Variants in ECI2 observed in about 807,000 individuals in gnomAD.
ECI2 encodes the protein enoyl-CoA delta isomerase 2.
ECI2 carries 27 observed loss-of-function variants against 38.4 expected under a neutral mutation model. The observed-to-expected ratio is 0.70, with a 90% CI of 0.52 to 0.97. ECI2 has a LOEUF of 0.97. ECI2 is among the 50% of genes least tolerant of loss of function. The probability of loss-of-function intolerance (pLI) is 0.00; values close to 1 mark genes in which losing one functional copy is unlikely to be tolerated. For synonymous variants in ECI2, 168 were observed against 172.0 expected, an observed-to-expected ratio of 0.98 and a Z score of 0.18; for missense variants, 470 against 474.4, an observed-to-expected ratio of 0.99 and a Z score of 0.09.
At position 4,130,667 on chromosome 6, in the gene ECI2, C is replaced by A. The variant is rs1410249765; in HGVS notation, c.312+100G>T. 4 of 1,600,700 alleles carry A rather than the reference C, an allele frequency of 2.5e-6. No homozygotes were observed. The African/African-American group carries it at 5.4e-5, about 21-fold the overall frequency. ...CCTTGCAATGAAGAAAGAATAGAAG[C>A]ACATCAAGATCTTGAAGACTCCATT... is the stretch of plus-strand genomic sequence containing the variant. On this transcript the variant is annotated intron_variant, in intron 3 of 9. Coordinates refer to ENST00000380118, the MANE Select transcript of ECI2 (RefSeq NM_206836.3).
intron 1 of ECI2, among the ~76,000 whole-genome samples, chr6:4,134,951 GT>G (rs1400392671): frequency 3.9e-5 from 6 of 152,334 alleles, no homozygotes; most frequent in African/African-American, 1.4e-4. Context: ...CCGTGTTTCG[GT>G]TTTGTTCCCT....
At chr6:4,133,134 T>C (rs528335772) in intron 2 of ECI2, among the ~76,000 whole-genome samples, 2 of 152,322 alleles carry the variant, frequency 1.3e-5, no homozygotes, top group South Asian at 2.1e-4. Context: ...ATATCCTTAG[T>C]ACACTTTTCT....
intron 5 of ECI2, 104 bp from the exon 6 acceptor site, chr6:4,126,341 G>C: frequency 1.1e-6 from 1 of 939,474 alleles, no homozygotes; most frequent in South Asian, 1.6e-5. Flanking sequence ...ATACATTGGA[G>C]AACGAGCAAT....
chr6:4,126,424 C>T (rs1218697450), intron 5 of ECI2, among the ~76,000 whole-genome samples, 187 bp from the exon 6 acceptor site: 1 of 152,150 alleles, frequency 6.6e-6, no homozygotes, highest in East Asian at 1.9e-4. Flanking sequence ...ATAAATGTAG[C>T]TAATGCTACT....
chr6:4,119,818 A>G (rs1326050647), intron 7 of ECI2, among the ~76,000 whole-genome samples: 1 of 152,148 alleles, frequency 6.6e-6, no homozygotes, highest in African/African-American at 2.4e-5. Flanking sequence ...AGCCACCCTG[A>G]AAGGTTCCGG....
chr6:4,121,160 T>TG (rs1161247031), intron 7 of ECI2, among the ~76,000 whole-genome samples: 2 of 152,228 alleles, frequency 1.3e-5, no homozygotes, highest in African/African-American at 4.8e-5. Context: ...ATGTATGTAG[T>TG]GGGGTCTCAC....
At chr6:4,128,663 T>C (rs892652289) in intron 4 of ECI2, among the ~76,000 whole-genome samples, 48 of 152,344 alleles carry the variant, frequency 3.2e-4, no homozygotes, top group African/African-American at 9.6e-4. Flanking sequence ...ATACTGAACA[T>C]GTACAGGCTT....
chr6:4,118,511 C>G (rs1336154532), intron 8 of ECI2: 1 of 152,278 alleles, frequency 6.6e-6, no homozygotes, highest in Non-Finnish European at 1.5e-5. Context: ...ACTTTGAGAT[C>G]TTGCAGCAAT....
chr6:4,120,119 T>G (rs994676525), intron 7 of ECI2, among the ~76,000 whole-genome samples: 3 of 152,216 alleles, frequency 2.0e-5, no homozygotes, highest in African/African-American at 4.8e-5. Context: ...CATTTGACAC[T>G]GCCACTAGCA....
intron 2 of ECI2, among the ~76,000 whole-genome samples, chr6:4,132,632 G>A (rs1773553493): frequency 1.3e-5 from 2 of 152,122 alleles, no homozygotes; most frequent in South Asian, 4.1e-4. Context: ...TGAAACTTAA[G>A]AGCTTTAGTT....
intron 7 of ECI2, chr6:4,121,819 C>T (rs184712524): frequency 3.9e-5 from 15 of 380,236 alleles, no homozygotes; most frequent in East Asian, 1.6e-4. Flanking sequence ...TAATCAGACA[C>T]GCTGTTGTTT....
chr6:4,123,154 ATTTCC>A (rs1410096683), intron 7 of ECI2, among the ~76,000 whole-genome samples: 1 of 151,858 alleles, frequency 6.6e-6, no homozygotes, highest in Non-Finnish European at 1.5e-5. Flanking sequence ...CCTTTAGCAT[ATTTCC>A]TTTATTTTAT....
At chr6:4,133,886 A>G (rs1581998269) in intron 1 of ECI2, 175 bp from the exon 2 acceptor site, 3 of 656,102 alleles carry the variant, frequency 4.6e-6, no homozygotes, top group Non-Finnish European at 7.0e-6. Flanking sequence ...TTCCAAGATA[A>G]TAAGTCAATA....
At chr6:4,134,320 G>C (rs749307274) in intron 1 of ECI2, among the ~76,000 whole-genome samples, 2 of 152,190 alleles carry the variant, frequency 1.3e-5, no homozygotes, top group Non-Finnish European at 2.9e-5. Context: ...TACCTGCAGT[G>C]GAAGGGAGTC....
Position 4,116,134 on chromosome 6 carries a change from T to C in ECI2, c.1030-105A>G, listed in dbSNP as rs180672977. 7.4e-4 allele frequency: 966 copies of C among 1,312,520 alleles called. 5 individuals are homozygous for C. The African/African-American group carries it at 0.013, about 17-fold the overall frequency. The allele number at this position is 1,312,520 out of a possible 1,614,324, so 81.3% of individuals were successfully genotyped here. A position where few individuals can be genotyped will look rare whatever the true frequency, so the allele number is the denominator to read the frequency against. Reference sequence around the variant, plus strand: ...GGGAGGCCGAGGCGGGCAGATCAGTTGAGGTCAGGAGTTCAAGACCAGCCT... The same window carrying C: ...GGGAGGCCGAGGCGGGCAGATCAGTCGAGGTCAGGAGTTCAAGACCAGCCT... On this transcript the variant is annotated intron_variant, in intron 9 of 9. Transcript: ENST00000380118.
At chr6:4,134,490 A>G (rs1227282388) in intron 1 of ECI2, among the ~76,000 whole-genome samples, 1 of 152,220 alleles carries the variant, frequency 6.6e-6, no homozygotes, top group African/African-American at 2.4e-5. Context: ...CACAGGACTC[A>G]GGCCACAAGC....
intron 1 of ECI2, 49 bp downstream of exon 1, chr6:4,135,462 G>C (rs1287324497): frequency 1.2e-6 from 2 of 1,611,230 alleles, no homozygotes; most frequent in African/African-American, 1.3e-5. Flanking sequence ...CCTGGACAGC[G>C]GTATCCTGCG....
chr6:4,135,502 C>G lies in ECI2; in HGVS notation c.50+9G>C. ...ACCATGGGCCGAACGGCCGGGACTCCAAGCTTACCTCGGACACGAACGCCG... is the reference window on the plus strand; with the variant it reads ...ACCATGGGCCGAACGGCCGGGACTCGAAGCTTACCTCGGACACGAACGCCG... On this transcript the variant is annotated intron_variant, in intron 1 of 9. Transcript: ENST00000380118. 1.3e-6 allele frequency: 2 copies of G among 1,569,006 alleles called. No homozygotes were observed. Among genetic ancestry groups the G allele is most frequent in the South Asian group, 2.2e-5 (2 of 90,550 alleles).
rs192068362 is a variant in ECI2 at position 4,130,573 on chromosome 6, T to C, written c.313-13A>G. 50 of 1,614,214 alleles carry C rather than the reference T, an allele frequency of 3.1e-5. No homozygotes were observed. In the Middle Eastern group the frequency reaches 4.9e-4, roughly 16 times the overall value. ...GCCTGGCAGCTTCCTGAACGGACGA[T>C]GACAAACAACCTCAGCCCATGGTCA... is the stretch of plus-strand genomic sequence containing the variant. On this transcript the variant is annotated splice_polypyrimidine_tract_variant and intron_variant, in intron 3 of 9. Coordinates refer to ENST00000380118, the MANE Select transcript of ECI2 (RefSeq NM_206836.3).
Sources: gnomAD v4.1 joint callset for allele counts (sites outside exome capture counted in the v4.1 genomes callset) on GRCh38, gnomAD v4.1.1 for gene constraint, MANE v1.5 for transcripts, NCBI Gene and HGNC (gene_info 2026-07-23, HGNC 2026-07-21) for gene names.